The following SFMBT1 variants were observed in gnomAD, a reference collection of about 807,000 sequenced individuals.
The protein encoded by SFMBT1 is Scm like with four mbt domains 1.
Under a neutral mutation model 108.7 loss-of-function variants are expected in SFMBT1, and 32 were observed. That is an observed-to-expected ratio of 0.29 (90% CI 0.22 to 0.40). The LOEUF is 0.40. SFMBT1 is among the 10% of genes least tolerant of loss of function. The pLI is 1.00. For synonymous variants in SFMBT1, 348 were observed against 369.5 expected, an observed-to-expected ratio of 0.94 and a Z score of 0.67; for missense variants, 816 against 1,059.6, an observed-to-expected ratio of 0.77 and a Z score of 3.19.
At chr3:52,920,689 A>AC in intron 11 of SFMBT1, 39 bp from the exon 12 acceptor site, 1 of 1,317,940 alleles carries the variant, frequency 7.6e-7, no homozygotes, top group Non-Finnish European at 1.1e-6. Context: ...AAACAAACAA[A>AC]CCTTTTTTTA....
intron 10 of SFMBT1, among the ~76,000 whole-genome samples, chr3:52,923,765 A>G (rs1702581255): frequency 6.6e-6 from 1 of 152,164 alleles, no homozygotes; most frequent in Non-Finnish European, 1.5e-5. Context: ...GAGGGCCACA[A>G]CCAAATAAAA....
At chr3:53,014,476 AAAAACAAAACAAAACAAAACAAAAC>A (rs10576412) in intron 1 of SFMBT1, among the ~76,000 whole-genome samples, 5 of 146,464 alleles carry the variant, frequency 3.4e-5, no homozygotes, top group South Asian at 2.2e-4. Flanking sequence ...TGTATTTAAA[AAAAACAAAACAAAACAAAACAAAAC>A]AAAACAAAAC....
intron 1 of SFMBT1, among the ~76,000 whole-genome samples, chr3:52,989,031 T>C (rs1575422331): frequency 6.6e-6 from 1 of 152,296 alleles, no homozygotes; most frequent in African/African-American, 2.4e-5. Flanking sequence ...ATGTTAAATA[T>C]ATAGAAATTT....
intron 2 of SFMBT1, among the ~76,000 whole-genome samples, chr3:52,966,469 CA>C (rs1216350565): frequency 2.0e-5 from 3 of 150,684 alleles, no homozygotes; most frequent in Non-Finnish European, 3.0e-5. Context: ...ACTAAAAATA[CA>C]AAAAGTTAGC....
intron 1 of SFMBT1, among the ~76,000 whole-genome samples, chr3:53,042,408 T>G (rs1022031292): frequency 6.6e-6 from 1 of 152,228 alleles, no homozygotes; most frequent in South Asian, 2.1e-4. Context: ...AGTGCAATCA[T>G]AGCTCACTGC....
At position 52,999,360 on chromosome 3, in the gene SFMBT1, C is replaced by T. The variant is rs576528876; in HGVS notation, c.-130-30102G>A. Among the ~76,000 whole-genome samples the T allele has an allele frequency of 6.0e-5, 9 of 150,570 alleles. 1 individual carries two copies. The East Asian group carries it at 1.2e-3, about 20-fold the overall frequency. On this transcript the variant is annotated intron_variant, in intron 1 of 20. Transcript: ENST00000394752. ...CGACGCCCCACCTCCTCTGACCAGGCCTGCGGGGAGGAGCCACCCACGCGC... is the reference window on the plus strand; with the variant it reads ...CGACGCCCCACCTCCTCTGACCAGGTCTGCGGGGAGGAGCCACCCACGCGC...
At chr3:53,014,566 CCTAT>C (rs1387282168) in intron 1 of SFMBT1, among the ~76,000 whole-genome samples, 5 of 152,168 alleles carry the variant, frequency 3.3e-5, no homozygotes, top group South Asian at 4.1e-4. Context: ...CAAGAAGAAA[CCTAT>C]CTGAGAGCTT....
At chr3:53,005,005 G>C (rs1194136343) in intron 1 of SFMBT1, among the ~76,000 whole-genome samples, 2 of 152,152 alleles carry the variant, frequency 1.3e-5, no homozygotes, top group African/African-American at 4.8e-5. Flanking sequence ...TTTTCTTCCA[G>C]TGTAAATTCA....
In SFMBT1 at chr3:52,993,817, A is replaced by G. The variant is rs117644264; in HGVS notation, c.-130-24559T>C. On this transcript the variant is annotated intron_variant, in intron 1 of 20. Coordinates refer to ENST00000394752, the MANE Select transcript of SFMBT1 (RefSeq NM_016329.4). ...TTCTTATTTATACACAAGATCAAGG[A>G]AAGAACAGAAAATCCTTTTATAACA... 1.5e-4 allele frequency among the ~76,000 whole-genome samples: 23 copies of G among 150,646 alleles called. 1 individual carries two copies. The East Asian group carries it at 4.5e-3, about 29-fold the overall frequency.
intron 8 of SFMBT1, among the ~76,000 whole-genome samples, chr3:52,928,806 T>A (rs987634051): frequency 6.6e-6 from 1 of 151,712 alleles, no homozygotes; most frequent in African/African-American, 2.4e-5. Context: ...TGGGCTCAGT[T>A]GATCCTCCCA....
chr3:52,918,552 T>C, intron 12 of SFMBT1, 26 bp from the exon 13 acceptor site: 1 of 1,444,648 alleles, frequency 6.9e-7, no homozygotes, highest in Non-Finnish European at 9.4e-7. Flanking sequence ...AATATATAAA[T>C]GCCAAGAAAA....
At chr3:53,001,752 C>CAA (rs879704429) in intron 1 of SFMBT1, among the ~76,000 whole-genome samples, 1 of 131,586 alleles carries the variant, frequency 7.6e-6, no homozygotes. Context: ...CTATCTCTAC[C>CAA]AAAAAAAAAA....
intron 1 of SFMBT1, among the ~76,000 whole-genome samples, chr3:52,982,529 G>C (rs932155462): frequency 3.9e-5 from 6 of 152,038 alleles, no homozygotes; most frequent in African/African-American, 1.5e-4. Context: ...AGGAGTTCCA[G>C]ACAGGCCTGG....
chr3:52,993,971 AATTCAGGATAT>A (rs1298434570), intron 1 of SFMBT1, among the ~76,000 whole-genome samples: 11 of 150,438 alleles, frequency 7.3e-5, no homozygotes, highest in African/African-American at 2.7e-4. Context: ...ATAAAGTAGT[AATTCAGGATAT>A]ATACAGTCTA....
intron 3 of SFMBT1, among the ~76,000 whole-genome samples, chr3:52,944,137 T>C (rs144332516): frequency 6.6e-6 from 1 of 152,358 alleles, no homozygotes; most frequent in African/African-American, 2.4e-5. Flanking sequence ...AAACATTATA[T>C]GGTCACAAAG....
chr3:52,951,245 A>C (rs1575397249), intron 3 of SFMBT1, among the ~76,000 whole-genome samples: 1 of 150,484 alleles, frequency 6.6e-6, no homozygotes, highest in Admixed American at 6.6e-5. Context: ...CCATGCAAGC[A>C]AGGATAGAGA....
intron 1 of SFMBT1, among the ~76,000 whole-genome samples, chr3:52,972,744 AACACACACACACACAC>A (rs55859723): frequency 6.5e-4 from 62 of 95,136 alleles, no homozygotes; most frequent in South Asian, 2.5e-3. Context: ...ATCTCTACTA[AACACACACACACACAC>A]ACACACACAC....
At chr3:52,998,779 C>T (rs987180404) in intron 1 of SFMBT1, among the ~76,000 whole-genome samples, 8 of 150,800 alleles carry the variant, frequency 5.3e-5, no homozygotes, top group Middle Eastern at 3.4e-3. Context: ...GTCCCTCAAC[C>T]CTGGGGAGCT....
rs1248583555 is a variant in SFMBT1 at position 52,905,258 on chromosome 3, G to A, written c.2479C>T (p.Leu827=). 1 of 1,611,910 alleles carries A rather than the reference G, an allele frequency of 6.2e-7. No individual in the cohort carries two copies. The highest frequency in any genetic ancestry group is 2.2e-5 in the East Asian group (1 of 44,740). The change falls in exon 21 of 21, where the codon CTG becomes TTG. Residue 827 remains leucine, a synonymous_variant. Coordinates refer to ENST00000394752, the MANE Select transcript of SFMBT1 (RefSeq NM_016329.4). The part of the protein sequence containing the change: ...FLDQEIDGQA[L]LLLTLPTVQE... ...ACAGTGGGAAGGGTAAGGAGCAACA[G>A]GGCCTGCCCATCAATTTCCTGTTAA...
Sources: allele counts gnomAD v4.1 joint callset (sites outside exome capture counted in the v4.1 genomes callset), GRCh38; gene constraint gnomAD v4.1.1; transcripts MANE v1.5; gene names NCBI Gene and HGNC (gene_info 2026-07-23, HGNC 2026-07-21).